Variants in NCOA3 observed in about 807,000 individuals in gnomAD.
NCOA3 encodes the protein CBP-interacting protein.
A neutral mutation model predicts 158.8 loss-of-function variants in NCOA3; 51 were observed. The ratio of observed to expected loss-of-function variants is 0.32; its 90% CI spans 0.26 to 0.41. NCOA3 has a LOEUF of 0.41. Ranked by LOEUF, NCOA3 falls within the 10% of genes least tolerant of loss-of-function variation. The pLI, the probability that NCOA3 is intolerant of heterozygous loss-of-function variation, is 1.00. For missense variants in NCOA3, 1,510 were observed against 1,746.6 expected (o/e 0.86, Z 2.41); for synonymous variants, 537 against 592.4 (o/e 0.91, Z 1.36).
rs368464351 is a variant in NCOA3, at chr20:47,637,758, G to C, written c.2487G>C (p.Gln829His). The C allele has an allele frequency of 2.7e-5, 44 of 1,604,222 alleles. No individual in the cohort carries two copies. The African/African-American group carries it at 5.4e-4, about 20-fold the overall frequency. The change falls in exon 13 of 23, where the codon CAG becomes CAC. Residue 829 changes from glutamine (Q) to histidine (H), a missense_variant. By Grantham distance (24) the Gln-to-His change is conservative. This residue lies in a region of NCOA3 where 1,017 missense variants were observed against 1,098.3 expected (regional missense o/e 0.93). Transcript: ENST00000371998. ...SNGSHLGTKQ[Q>H]VFQGTNSLGL... ...GTAGTCATCTGGGGACTAAGCAACAGGTGTTTCAAGGAACTAATTCTCTGG... is the reference window on the plus strand; with the variant it reads ...GTAGTCATCTGGGGACTAAGCAACACGTGTTTCAAGGAACTAATTCTCTGG...
At chr20:47,522,327 C>T (rs1418010041) in intron 1 of NCOA3, among the ~76,000 whole-genome samples, 1 of 151,382 alleles carries the variant, frequency 6.6e-6, no homozygotes, top group Non-Finnish European at 1.5e-5. Flanking sequence ...TGGTCTCGAT[C>T]TCCTGACCTC....
At chr20:47,539,393 A>C (rs2084687030) in intron 1 of NCOA3, among the ~76,000 whole-genome samples, 1 of 152,180 alleles carries the variant, frequency 6.6e-6, no homozygotes, top group Non-Finnish European at 1.5e-5. Context: ...CTATTTGAGG[A>C]CTGGGAGGTA....
At chr20:47,530,937 G>T (rs1229329451) in intron 1 of NCOA3, among the ~76,000 whole-genome samples, 2 of 152,138 alleles carry the variant, frequency 1.3e-5, no homozygotes, top group African/African-American at 2.4e-5. Flanking sequence ...GTAAACTGGC[G>T]TAGCAGTAGG....
intron 1 of NCOA3, among the ~76,000 whole-genome samples, chr20:47,549,550 G>A (rs1244764058): frequency 7.8e-6 from 1 of 127,736 alleles, no homozygotes; most frequent in Non-Finnish European, 1.6e-5. Context: ...ACAGAGCGAA[G>A]ACTCTGTCTC....
At chr20:47,652,659 C>A in intron 21 of NCOA3, 79 bp downstream of exon 21, 1 of 1,382,558 alleles carries the variant, frequency 7.2e-7, no homozygotes, top group African/African-American at 1.4e-5. Context: ...TCAGTCAAGC[C>A]TTTTTGGATG....
intron 2 of NCOA3, among the ~76,000 whole-genome samples, chr20:47,596,569 T>C (rs562022957): frequency 1.3e-5 from 2 of 152,344 alleles, no homozygotes; most frequent in East Asian, 3.9e-4. Flanking sequence ...GGTACTACTT[T>C]AGAAAAAGTA....
At chr20:47,614,187 A>G (rs1176795890) in intron 2 of NCOA3, among the ~76,000 whole-genome samples, 1 of 152,172 alleles carries the variant, frequency 6.6e-6, no homozygotes, top group East Asian at 1.9e-4. Flanking sequence ...AAGGGTATGA[A>G]TGACGGATTG....
intron 1 of NCOA3, among the ~76,000 whole-genome samples, chr20:47,502,650 G>T (rs1272556509): frequency 2.0e-5 from 3 of 151,850 alleles, no homozygotes; most frequent in South Asian, 2.1e-4. Flanking sequence ...CTGGGAAATG[G>T]CAAGTGGGAA....
At chr20:47,505,480 A>G (rs533921715) in intron 1 of NCOA3, among the ~76,000 whole-genome samples, 7 of 152,272 alleles carry the variant, frequency 4.6e-5, no homozygotes, top group African/African-American at 1.7e-4. Flanking sequence ...TTGGTCTACA[A>G]CAGCAAATTT....
At chr20:47,508,269 T>A (rs2084060587) in intron 1 of NCOA3, among the ~76,000 whole-genome samples, 3 of 152,170 alleles carry the variant, frequency 2.0e-5, no homozygotes, top group African/African-American at 4.8e-5. Flanking sequence ...AGGCTAGCAT[T>A]TTTAGTTTGT....
intron 1 of NCOA3, among the ~76,000 whole-genome samples, chr20:47,559,931 C>T (rs187305344): frequency 1.3e-5 from 2 of 151,892 alleles, no homozygotes; most frequent in African/African-American, 4.8e-5. Flanking sequence ...GGATTACAGG[C>T]GTGAGCCACT....
At chr20:47,632,032 T>C (rs73310193) in intron 8 of NCOA3, among the ~76,000 whole-genome samples, 3,047 of 152,284 alleles carry the variant, frequency 0.02, 103 homozygotes, top group African/African-American at 0.069. Context: ...TCTTACAAGG[T>C]TAAGGGTTCA....
intron 1 of NCOA3, among the ~76,000 whole-genome samples, chr20:47,565,106 A>G (rs1458999636): frequency 1.3e-5 from 2 of 151,880 alleles, no homozygotes; most frequent in African/African-American, 4.8e-5. Context: ...CTCAGCCTCC[A>G]GAGTAGCTGG....
At chr20:47,533,604 A>T (rs113960311) in intron 1 of NCOA3, among the ~76,000 whole-genome samples, 2 of 152,152 alleles carry the variant, frequency 1.3e-5, no homozygotes, top group Non-Finnish European at 2.9e-5. Flanking sequence ...AGTCATGTGA[A>T]GAGTAGCCTG....
intron 2 of NCOA3, among the ~76,000 whole-genome samples, chr20:47,592,090 T>A (rs573384961): frequency 6.6e-6 from 1 of 152,344 alleles, no homozygotes; most frequent in Admixed American, 6.5e-5. Context: ...TACCCCAGGC[T>A]GGAGTGCAGT....
chr20:47,563,584 C>T (rs1407237712), intron 1 of NCOA3, among the ~76,000 whole-genome samples: 1 of 152,116 alleles, frequency 6.6e-6, no homozygotes, highest in African/African-American at 2.4e-5. Flanking sequence ...GTAATCCCAG[C>T]AGTTTAAGTG....
At chr20:47,522,195 C>G (rs1302242354) in intron 1 of NCOA3, among the ~76,000 whole-genome samples, 1 of 146,946 alleles carries the variant, frequency 6.8e-6, no homozygotes, top group Non-Finnish European at 1.5e-5. Context: ...CTCCGCCTCA[C>G]TGGTTCACGC....
In NCOA3 at chr20:47,633,478, C is replaced by G; in HGVS notation, c.824-18C>G. Reference sequence around the variant, plus strand: ...GTGGGCTGGATATAAGTCTTTTTTTCCTTTTTTTGTTTAATAGGAAAGGTT... The same window carrying G: ...GTGGGCTGGATATAAGTCTTTTTTTGCTTTTTTTGTTTAATAGGAAAGGTT... On this transcript the variant is annotated intron_variant, in intron 8 of 22. Coordinates refer to ENST00000371998, the MANE Select transcript of NCOA3 (RefSeq NM_181659.3). The G allele has an allele frequency of 6.3e-7, 1 of 1,593,796 alleles. No homozygotes were observed. Among genetic ancestry groups the G allele is most frequent in the Non-Finnish European group, 8.5e-7 (1 of 1,172,618 alleles).
intron 1 of NCOA3, among the ~76,000 whole-genome samples, chr20:47,511,550 T>TATATATATATATATATGCAC: frequency 1.9e-5 from 1 of 52,270 alleles, no homozygotes; most frequent in Non-Finnish European, 4.0e-5. Context: ...TATATATATA[T>TATATATATATATATATGCAC]ATATATTTCT....
Sources: gnomAD v4.1 joint callset for allele counts (sites outside exome capture counted in the v4.1 genomes callset) on GRCh38, gnomAD v4.1.1 for gene constraint, gnomAD v4.1.1 regional missense constraint, MANE v1.5 for transcripts, NCBI Gene and HGNC (gene_info 2026-07-23, HGNC 2026-07-21) for gene names.